PLCH1: variants seen among roughly 807,000 people sequenced by gnomAD.
PLCH1 encodes the protein phospholipase C eta 1.
A neutral mutation model predicts 126.7 loss-of-function variants in PLCH1; 60 were observed. The observed-to-expected ratio is 0.47, with a 90% confidence interval of 0.38 to 0.59. The LOEUF (loss-of-function observed/expected upper bound fraction) is 0.59, where lower values mean the gene tolerates loss of function less well. PLCH1 is among the 20% of genes least tolerant of loss of function. The probability of loss-of-function intolerance (pLI) is 0.00; values close to 1 mark genes in which losing one functional copy is unlikely to be tolerated. For missense variants in PLCH1, 1,723 were observed against 2,040.0 expected (o/e 0.84, Z 2.99); for synonymous variants, 719 against 734.9 (o/e 0.98, Z 0.35).
chr3:155,698,871 T>C (rs2109065576), intron 2 of PLCH1, among the ~76,000 whole-genome samples: 1 of 152,230 alleles, frequency 6.6e-6, no homozygotes, highest in Middle Eastern at 3.4e-3. Context: ...AGAGAGCCTT[T>C]TGGGTGGGGC....
In PLCH1 at chr3:155,482,941, T is replaced by C. The variant is rs1560047124; in HGVS notation, c.3085A>G (p.Thr1029Ala). 6.2e-7 allele frequency: 1 copy of C among 1,614,198 alleles called. No homozygotes were observed. The highest frequency in any genetic ancestry group is 1.7e-5 in the Admixed American group (1 of 60,022). ...GATACAATGGTGTCCCCTTGGCTGGTATCTTTGTGGAGCAGAGCACTGGAG... is the reference window on the plus strand; with the variant it reads ...GATACAATGGTGTCCCCTTGGCTGGCATCTTTGTGGAGCAGAGCACTGGAG... Reference protein sequence around the residue: ...SSSSALLHKDTSQGDTIVSTA... With the variant: ...SSSSALLHKDASQGDTIVSTA... Residue 1029 changes from threonine to alanine, a missense_variant, in exon 23 of 23, where the codon ACC (threonine) becomes GCC (alanine). Coordinates refer to ENST00000460012, the MANE Select transcript of PLCH1 (RefSeq NM_014996.4).
At chr3:155,641,468 A>C (rs1018489228) in intron 2 of PLCH1, among the ~76,000 whole-genome samples, 3 of 152,208 alleles carry the variant, frequency 2.0e-5, no homozygotes, top group Non-Finnish European at 4.4e-5. Flanking sequence ...ACTCAAGATC[A>C]GCAAAAGCTG....
chr3:155,542,510 G>A (rs1448629719), intron 10 of PLCH1, among the ~76,000 whole-genome samples: 18 of 152,248 alleles, frequency 1.2e-4, no homozygotes, highest in East Asian at 7.7e-4. Context: ...AAATGTCCCC[G>A]TCTGACAGCT....
intron 1 of PLCH1, among the ~76,000 whole-genome samples, chr3:155,719,806 TTTTA>T (rs564297151): frequency 1.3e-3 from 196 of 152,204 alleles, no homozygotes; most frequent in African/African-American, 4.1e-3. Context: ...CATTGTCTTC[TTTTA>T]TTTTTTTTTT....
At chr3:155,514,583 A>G in intron 12 of PLCH1, 140 bp downstream of exon 12, 1 of 530,446 alleles carries the variant, frequency 1.9e-6, no homozygotes, top group Non-Finnish European at 3.1e-6. Context: ...ATCATTTTGC[A>G]ATAAGAGATT....
intron 10 of PLCH1, among the ~76,000 whole-genome samples, chr3:155,530,533 G>A (rs1722532098): frequency 6.6e-6 from 1 of 151,914 alleles, no homozygotes; most frequent in Non-Finnish European, 1.5e-5. Flanking sequence ...TAGCCAGGCT[G>A]GTCTCCATCT....
chr3:155,478,330 T>C (rs1322104905), downstream of PLCH1, among the ~76,000 whole-genome samples: 1 of 152,154 alleles, frequency 6.6e-6, no homozygotes, highest in Non-Finnish European at 1.5e-5. Context: ...ACCTACTATG[T>C]GATAGCACAA....
At chr3:155,678,781 G>A (rs557642068) in intron 2 of PLCH1, among the ~76,000 whole-genome samples, 3 of 152,210 alleles carry the variant, frequency 2.0e-5, no homozygotes, top group South Asian at 2.1e-4. Context: ...TTCCAGATTC[G>A]TTCTAGCATA....
chr3:155,482,614 G>C lies in PLCH1; in HGVS notation c.3412C>G (p.Arg1138Gly), dbSNP rs1391893132. The change falls in exon 23 of 23, where the codon CGA becomes GGA. Residue 1138 changes from arginine (R) to glycine (G), a missense_variant. Transcript: ENST00000460012. ...GACAAAGAAAAGGATGTTGCAGCTC[G>C]GCCCTTACCCCTATTACCTTCCAGG... ...KNLEGNRGKG[R>G]AATSFSLSDV... 1.2e-6 allele frequency: 2 copies of C among 1,614,002 alleles called. No homozygotes were observed. Among genetic ancestry groups the C allele is most frequent in the East Asian group, 2.2e-5 (1 of 44,888 alleles).
At chr3:155,458,092 G>A (rs979224900) in intron 21 of PLCH1, among the ~76,000 whole-genome samples, 2 of 152,008 alleles carry the variant, frequency 1.3e-5, no homozygotes, top group Admixed American at 6.6e-5. Context: ...CTGTAGTCCC[G>A]GCACTCTGGG....
chr3:155,451,131 A>T (rs1712299169), intron 21 of PLCH1, among the ~76,000 whole-genome samples: 1 of 152,142 alleles, frequency 6.6e-6, no homozygotes, highest in Non-Finnish European at 1.5e-5. Context: ...GTCCATACTG[A>T]TACCAATCAT....
intron 1 of PLCH1, among the ~76,000 whole-genome samples, chr3:155,735,525 T>C (rs1482746308): frequency 6.6e-6 from 1 of 151,554 alleles, no homozygotes; most frequent in East Asian, 1.9e-4. Flanking sequence ...TCCCAGCTAC[T>C]TGGGAGGCTG....
At chr3:155,636,137 G>A (rs1486295743) in intron 2 of PLCH1, among the ~76,000 whole-genome samples, 1 of 152,040 alleles carries the variant, frequency 6.6e-6, no homozygotes, top group Non-Finnish European at 1.5e-5. Flanking sequence ...CATCTCACTG[G>A]CCAGCATTGT....
At chr3:155,474,795 G>T (rs1713452102) in intron 21 of PLCH1, among the ~76,000 whole-genome samples, 1 of 110,114 alleles carries the variant, frequency 9.1e-6, no homozygotes, top group African/African-American at 4.9e-5. Flanking sequence ...GATGAAATTG[G>T]AAACCATCAT....
chr3:155,734,963 C>G (rs1749061468), intron 1 of PLCH1, among the ~76,000 whole-genome samples: 1 of 152,118 alleles, frequency 6.6e-6, no homozygotes, highest in South Asian at 2.1e-4. Context: ...CCCGCCTTGG[C>G]CTCCCAAAGT....
At position 155,458,558 on chromosome 3, in the gene PLCH1, A is replaced by AAGAAAGAAAGAAAG. The variant is rs369423283; in HGVS notation, c.2938+26797_2938+26798insCTTTCTTTCTTTCT. On this transcript the variant is annotated intron_variant, in intron 21 of 21. Coordinates refer to the PLCH1 transcript ENST00000494598. The stretch of plus-strand genomic sequence containing the variant: ...AGAAAAAGAAAAAGAAAGAAAGAGA[A>AAGAAAGAAAGAAAG]AAAGAAAGAAAGAAAGAAAGAAAGG... Among the ~76,000 whole-genome samples the AAGAAAGAAAGAAAG allele has an allele frequency of 9.0e-4, 116 of 128,382 alleles. 2 individuals carry two copies. Among genetic ancestry groups the AAGAAAGAAAGAAAG allele is most frequent in the African/African-American group, 3.5e-3 (109 of 30,738 alleles). 84.2% of individuals were successfully genotyped at this position (128,382 alleles called of 152,430 possible). A position where few individuals can be genotyped will look rare whatever the true frequency, so the allele number is the denominator to read the frequency against.
intron 2 of PLCH1, among the ~76,000 whole-genome samples, chr3:155,635,442 C>T (rs1047796799): frequency 1.3e-5 from 2 of 152,230 alleles, no homozygotes; most frequent in Non-Finnish European, 2.9e-5. Flanking sequence ...TAACCTACAG[C>T]CTGCTCTGAG....
chr3:155,594,264 A>C, intron 3 of PLCH1, 80 bp from the exon 4 acceptor site: 1 of 1,271,350 alleles, frequency 7.9e-7, no homozygotes, highest in Non-Finnish European at 1.1e-6. Flanking sequence ...AAGAAAAGCA[A>C]AATCATTTTA....
At chr3:155,554,505 A>G (rs1189445315) in intron 8 of PLCH1, among the ~76,000 whole-genome samples, 2 of 152,132 alleles carry the variant, frequency 1.3e-5, no homozygotes, top group African/African-American at 4.8e-5. Context: ...AGTGTGCCCA[A>G]GGATAGGGAG....
Sources: allele counts gnomAD v4.1 joint callset (sites outside exome capture counted in the v4.1 genomes callset), GRCh38; gene constraint gnomAD v4.1.1; transcripts MANE v1.5; gene names NCBI Gene and HGNC (gene_info 2026-07-23, HGNC 2026-07-21).